The following PCDH7 variants were observed in gnomAD, a reference collection of about 807,000 sequenced individuals.
PCDH7 encodes protocadherin 7.
In PCDH7, 17 loss-of-function variants were observed where a neutral mutation model predicts 58.9. The ratio of observed to expected loss-of-function variants is 0.29; its 90% confidence interval spans 0.20 to 0.43. The LOEUF (loss-of-function observed/expected upper bound fraction) is 0.43, where lower values mean the gene tolerates loss of function less well. Ranked by LOEUF, PCDH7 falls within the 20% of genes least tolerant of loss-of-function variation. The pLI, the probability that PCDH7 is intolerant of heterozygous loss-of-function variation, is 1.00. For synonymous variants in PCDH7, 664 were observed against 616.4 expected (o/e 1.08, Z -1.14); for missense variants, 1,274 against 1,441.0 (o/e 0.88, Z 1.88).
At chr4:31,142,693 C>T in exon 4 of PCDH7, 1 of 1,367,688 alleles carries the variant, frequency 7.3e-7, no homozygotes, top group Non-Finnish European at 9.8e-7. Flanking sequence ...ACAGAAACCT[C>T]CTGAACAAAA....
At chr4:31,067,575 A>G (rs559584167) in intron 3 of PCDH7, among the ~76,000 whole-genome samples, 1 of 152,004 alleles carries the variant, frequency 6.6e-6, no homozygotes, top group East Asian at 1.9e-4. Flanking sequence ...ACACAAGGAG[A>G]AATAGAGAAA....
chr4:31,042,593 G>A (rs1755966620), intron 3 of PCDH7, among the ~76,000 whole-genome samples: 1 of 152,050 alleles, frequency 6.6e-6, no homozygotes, highest in South Asian at 2.1e-4. Flanking sequence ...CCTGTGGGAA[G>A]CATTGGGGAA....
chr4:31,010,201 A>G (rs1753067303), intron 3 of PCDH7, among the ~76,000 whole-genome samples: 1 of 151,946 alleles, frequency 6.6e-6, no homozygotes, highest in African/African-American at 2.4e-5. Flanking sequence ...GATGAGCACC[A>G]TATAAGCATT....
rs538135091 is a variant in PCDH7 at position 31,072,660 on chromosome 4, G to A, written c.*8-69813G>A. On this transcript the variant is annotated intron_variant, in intron 3 of 3. Coordinates refer to the PCDH7 transcript ENST00000509759. ...ATATGAAGGCCAGAAGTCCGAGAACGTTTCACAGAGTTGTGTTATCTCAAT... is the reference window on the plus strand; with the variant it reads ...ATATGAAGGCCAGAAGTCCGAGAACATTTCACAGAGTTGTGTTATCTCAAT... Among the ~76,000 whole-genome samples the A allele has an allele frequency of 1.2e-4, 18 of 152,158 alleles. No homozygotes were observed. The South Asian group carries it at 1.7e-3, about 14-fold the overall frequency.
At chr4:31,027,621 C>A (rs1056162206) in intron 3 of PCDH7, among the ~76,000 whole-genome samples, 3 of 152,066 alleles carry the variant, frequency 2.0e-5, no homozygotes, top group African/African-American at 7.2e-5. Context: ...TGGGGTTTCA[C>A]CATGTTGGCC....
intron 1 of PCDH7, among the ~76,000 whole-genome samples, chr4:30,894,478 A>AT (rs1739038389): frequency 1.9e-5 from 1 of 53,436 alleles, no homozygotes; most frequent in African/African-American, 8.3e-5. Context: ...AAAAAAAAAA[A>AT]AAAAAAAAAA....
At chr4:31,136,204 AG>A (rs1252511943) in intron 3 of PCDH7, among the ~76,000 whole-genome samples, 1 of 152,166 alleles carries the variant, frequency 6.6e-6, no homozygotes, top group South Asian at 2.1e-4. Flanking sequence ...AAATCTCTCC[AG>A]GGGCTATGAC....
intron 1 of PCDH7, among the ~76,000 whole-genome samples, chr4:30,761,261 G>A (rs2109268854): frequency 6.6e-6 from 1 of 152,238 alleles, no homozygotes; most frequent in South Asian, 2.1e-4. Flanking sequence ...GCTCTCCTCT[G>A]CTTATCTCAG....
At chr4:30,876,274 TA>T in intron 1 of PCDH7, among the ~76,000 whole-genome samples, 1 of 152,104 alleles carries the variant, frequency 6.6e-6, no homozygotes, top group Admixed American at 6.6e-5. Flanking sequence ...AAAGTTTTAG[TA>T]AACATATATG....
chr4:30,733,065 C>T (rs1030655875), downstream of PCDH7: 1 of 152,304 alleles, frequency 6.6e-6, no homozygotes, highest in Admixed American at 6.5e-5. Flanking sequence ...CTATTCCTCA[C>T]CCAGCTGTTG....
intron 1 of PCDH7, among the ~76,000 whole-genome samples, chr4:30,727,588 T>C (rs1714790255): frequency 6.6e-6 from 1 of 151,990 alleles, no homozygotes. Context: ...TGTGTTTAGC[T>C]GAGCAAAATG....
At chr4:31,115,075 G>A (rs555353740) in intron 3 of PCDH7, among the ~76,000 whole-genome samples, 17 of 152,188 alleles carry the variant, frequency 1.1e-4, no homozygotes, top group African/African-American at 4.1e-4. Context: ...CTTCTGACCC[G>A]TTTCCCTCCC....
At chr4:31,009,086 G>A (rs1752989392) in intron 3 of PCDH7, among the ~76,000 whole-genome samples, 2 of 152,178 alleles carry the variant, frequency 1.3e-5, no homozygotes, top group Admixed American at 1.3e-4. Context: ...GAAAGGCATT[G>A]AGAATGAATC....
In PCDH7 at chr4:30,775,766, G is replaced by A. The variant is rs148024990; in HGVS notation, c.70+51170G>A. ...ATAAAAATTAGCCAGGCATGGTGAC[G>A]CGTATCTGTAATCCCAGCTACTCGG... is the stretch of plus-strand genomic sequence containing the variant. On this transcript the variant is annotated intron_variant, in intron 1 of 3. Transcript: ENST00000509759. 8.5e-5 allele frequency among the ~76,000 whole-genome samples: 13 copies of A among 152,140 alleles called. No individual in the cohort carries two copies. In the East Asian group the frequency reaches 9.7e-4, roughly 11 times the overall value.
chr4:30,729,364 G>A (rs957108934), intron 1 of PCDH7, among the ~76,000 whole-genome samples: 3 of 151,848 alleles, frequency 2.0e-5, no homozygotes, highest in Admixed American at 1.3e-4. Context: ...CTATAATTCT[G>A]CTTTAGGCTC....
intron 1 of PCDH7, among the ~76,000 whole-genome samples, chr4:30,749,393 C>A (rs1718204198): frequency 6.6e-6 from 1 of 152,102 alleles, no homozygotes; most frequent in South Asian, 2.1e-4. Context: ...TTTTCTTCGT[C>A]ATGGTAGTGG....
At chr4:31,119,313 G>A (rs759344338) in intron 3 of PCDH7, among the ~76,000 whole-genome samples, 14 of 152,104 alleles carry the variant, frequency 9.2e-5, no homozygotes, top group Non-Finnish European at 1.5e-4. Context: ...TTAATTGAGC[G>A]CAGATCAATC....
Position 30,960,907 on chromosome 4 carries a change from C to G in PCDH7, c.*7+10692C>G, listed in dbSNP as rs187529620. Among the ~76,000 whole-genome samples, 7 of 152,232 alleles carry G rather than the reference C, an allele frequency of 4.6e-5. No homozygotes were observed. The East Asian group carries it at 1.4e-3, about 29-fold the overall frequency. ...GTTTTAAGATGTTTTATGTTTTAAT[C>G]TGAGTAAACTTTGTTAGCTCTCTCT... is the stretch of plus-strand genomic sequence containing the variant. On this transcript the variant is annotated intron_variant, in intron 3 of 3. Coordinates refer to the PCDH7 transcript ENST00000509759.
intron 3 of PCDH7, among the ~76,000 whole-genome samples, chr4:30,950,895 A>C (rs916273356): frequency 9.2e-5 from 14 of 152,318 alleles, no homozygotes; most frequent in Admixed American, 9.2e-4. Flanking sequence ...CTAGGCCCTC[A>C]GGGCTCAAAC....
Sources: allele counts gnomAD v4.1 joint callset (sites outside exome capture counted in the v4.1 genomes callset), GRCh38; gene constraint gnomAD v4.1.1; transcripts MANE v1.5; gene names NCBI Gene and HGNC (gene_info 2026-07-23, HGNC 2026-07-21).